The following G6PC1 variants were observed in gnomAD, a reference collection of about 807,000 sequenced individuals.
The protein encoded by G6PC1 is glucose-6-phosphatase catalytic subunit 1.
G6PC1 carries 23 observed loss-of-function variants against 30.4 expected under a neutral mutation model. The ratio of observed to expected loss-of-function variants is 0.76; its 90% CI spans 0.55 to 1.07. The LOEUF is 1.07. Ranked by LOEUF, G6PC1 falls within the 50% of genes least tolerant of loss-of-function variation. The probability of loss-of-function intolerance (pLI) is 0.00; values close to 1 mark genes in which losing one functional copy is unlikely to be tolerated. For synonymous variants in G6PC1, 163 were observed against 175.6 expected, an observed-to-expected ratio of 0.93 and a Z score of 0.57; for missense variants, 391 against 433.9, an observed-to-expected ratio of 0.90 and a Z score of 0.88.
intron 1 of G6PC1, among the ~76,000 whole-genome samples, chr17:42,902,481 C>T (rs978463061): frequency 3.9e-5 from 6 of 152,156 alleles, no homozygotes; most frequent in Non-Finnish European, 7.3e-5. Flanking sequence ...GAACTCCTGA[C>T]CTCATGATCT....
intron 1 of G6PC1, among the ~76,000 whole-genome samples, chr17:42,902,585 C>T (rs1023313126): frequency 6.6e-6 from 1 of 152,140 alleles, no homozygotes; most frequent in African/African-American, 2.4e-5. Context: ...AAGTGTTATT[C>T]CAAACATCTG....
Position 42,907,623 on chromosome 17 carries a change from A to C in G6PC1, c.441A>C (p.Arg147Ser). Residue 147 changes from arginine to serine, a missense_variant, in exon 3 of 5, where the codon AGA becomes AGC. Physicochemically the swap from Arg to Ser is moderately radical, Grantham distance 110. Coordinates refer to ENST00000253801, the MANE Select transcript of G6PC1 (RefSeq NM_000151.4). ...IFQGKIKPTY[R>S]FRCLNVILWL... ...AGGGAAAGATAAAGCCGACCTACAG[A>C]TTTCGGTAAGAACTCACCACTGGGG... The C allele has an allele frequency of 6.2e-7, 1 of 1,612,046 alleles. No homozygotes were observed. Among genetic ancestry groups the C allele is most frequent in the Non-Finnish European group, 8.5e-7 (1 of 1,178,338 alleles).
chr17:42,905,845 C>A (rs1351675026), intron 2 of G6PC1, among the ~76,000 whole-genome samples: 1 of 151,848 alleles, frequency 6.6e-6, no homozygotes, highest in Admixed American at 6.6e-5. Flanking sequence ...GAGTTTGAGA[C>A]CAGCCTGGCC....
intron 3 of G6PC1, among the ~76,000 whole-genome samples, chr17:42,909,031 C>T (rs866747310): frequency 2.0e-5 from 3 of 151,858 alleles, no homozygotes; most frequent in African/African-American, 7.3e-5. Context: ...TTTAAAGAGA[C>T]AGGGGTCTTG....
rs2056095342 is a variant in G6PC1, at chr17:42,911,378, C to T, written c.1026C>T (p.Pro342=). 8.1e-6 allele frequency: 13 copies of T among 1,614,082 alleles called. No individual in the cohort carries two copies. Among genetic ancestry groups the T allele is most frequent in the Non-Finnish European group, 1.1e-5 (13 of 1,180,050 alleles). ...CCCTGGCATCCGTCAGTGTCATCCCCTACTGCCTCGCCCAGGTCCTGGGCC... is the reference window on the plus strand; with the variant it reads ...CCCTGGCATCCGTCAGTGTCATCCCTTACTGCCTCGCCCAGGTCCTGGGCC... ...VVPLASVSVI[P]YCLAQVLGQP... The change falls in exon 5 of 5, where the codon CCC becomes CCT. Residue 342 remains proline, a synonymous_variant. Coordinates refer to ENST00000253801, the MANE Select transcript of G6PC1 (RefSeq NM_000151.4).
At chr17:42,901,434 G>A (rs2056025471) in intron 1 of G6PC1, among the ~76,000 whole-genome samples, 1 of 152,070 alleles carries the variant, frequency 6.6e-6, no homozygotes, top group Non-Finnish European at 1.5e-5. Flanking sequence ...AAAGATGTAT[G>A]GGGCCAGGCA....
At chr17:42,907,415 T>C (rs1290583896) in intron 2 of G6PC1, 108 bp from the exon 3 acceptor site, 1 of 730,032 alleles carries the variant, frequency 1.4e-6, no homozygotes, top group African/African-American at 1.8e-5. Context: ...GATGGATGAA[T>C]GGGTAGATGG....
intron 4 of G6PC1, among the ~76,000 whole-genome samples, chr17:42,909,925 C>T (rs1177359587): frequency 2.7e-5 from 4 of 149,822 alleles, no homozygotes; most frequent in East Asian, 2.0e-4. Flanking sequence ...TGCAGTGGTG[C>T]GATCTCGGCT....
chr17:42,904,285 T>A (rs1597988438), intron 2 of G6PC1: 1 of 489,008 alleles, frequency 2.0e-6, no homozygotes, highest in East Asian at 4.1e-5. Context: ...AAAGGGCTCG[T>A]GAGAGTCACC....
At chr17:42,903,080 A>G (rs74933780) in intron 1 of G6PC1, among the ~76,000 whole-genome samples, 2 of 126,656 alleles carry the variant, frequency 1.6e-5, no homozygotes, top group South Asian at 5.1e-4. Flanking sequence ...GGATTTCAGG[A>G]TTTTTTTTTT....
At position 42,900,852 on chromosome 17, in the gene G6PC1, T is replaced by C; in HGVS notation, c.-25T>C. 4.4e-6 allele frequency: 7 copies of C among 1,596,738 alleles called. No homozygotes were observed. Among genetic ancestry groups the C allele is most frequent in the Non-Finnish European group, 6.0e-6 (7 of 1,164,426 alleles). Reference sequence around the variant, plus strand: ...TAACTGCAAGGGCTCTGCTGACATCTTCCTGAGGTGCCAAGGAAATGAGGA... The same window carrying C: ...TAACTGCAAGGGCTCTGCTGACATCCTCCTGAGGTGCCAAGGAAATGAGGA... On this transcript the variant is annotated 5_prime_UTR_variant, in exon 1 of 5. Transcript: ENST00000253801.
chr17:42,904,091 G>A, intron 2 of G6PC1, 51 bp downstream of exon 2: 1 of 1,242,788 alleles, frequency 8.0e-7, no homozygotes, highest in Non-Finnish European at 1.2e-6. Flanking sequence ...TCGTTTACCT[G>A]TTATGGATGA....
intron 2 of G6PC1, among the ~76,000 whole-genome samples, chr17:42,906,393 C>T (rs2056062374): frequency 6.6e-6 from 1 of 152,098 alleles, no homozygotes; most frequent in African/African-American, 2.4e-5. Context: ...GGAATCAGAC[C>T]CTGGGGAGAG....
At chr17:42,901,177 A>G in intron 1 of G6PC1, 71 bp downstream of exon 1, 1 of 1,369,970 alleles carries the variant, frequency 7.3e-7, no homozygotes, top group Non-Finnish European at 1.0e-6. Flanking sequence ...TCTGTCCATC[A>G]GAAGTTGCTT....
chr17:42,910,824 C>A (rs146684805), intron 4 of G6PC1, 91 bp from the exon 5 acceptor site: 1 of 1,223,756 alleles, frequency 8.2e-7, no homozygotes, highest in East Asian at 2.3e-5. Flanking sequence ...AGTCGCAGAA[C>A]GGATGGCATG....
chr17:42,908,992 G>A (rs2056079498), intron 3 of G6PC1, among the ~76,000 whole-genome samples: 1 of 152,034 alleles, frequency 6.6e-6, no homozygotes, highest in African/African-American at 2.4e-5. Context: ...ACAAGCATAA[G>A]CCACCGTGCC....
chr17:42,908,137 C>T (rs564335637), intron 3 of G6PC1, among the ~76,000 whole-genome samples: 111 of 151,854 alleles, frequency 7.3e-4, no homozygotes, highest in Non-Finnish European at 3.1e-4. Flanking sequence ...CTCAAGCGAT[C>T]CTCCCACCTC....
chr17:42,902,471 G>T (rs1186849033), intron 1 of G6PC1, among the ~76,000 whole-genome samples: 4 of 152,030 alleles, frequency 2.6e-5, no homozygotes, highest in Non-Finnish European at 4.4e-5. Context: ...GGCTGGTCTC[G>T]AACTCCTGAC....
chr17:42,910,269 C>A (rs950750148), intron 4 of G6PC1, among the ~76,000 whole-genome samples: 6 of 152,152 alleles, frequency 3.9e-5, no homozygotes, highest in Admixed American at 6.5e-5. Context: ...TGGAATTTCT[C>A]CCCTGGAGAT....
Sources: allele counts gnomAD v4.1 joint callset (sites outside exome capture counted in the v4.1 genomes callset), GRCh38; gene constraint gnomAD v4.1.1; transcripts MANE v1.5; gene names NCBI Gene and HGNC (gene_info 2026-07-23, HGNC 2026-07-21).